GPAM: variants seen among roughly 807,000 people sequenced by gnomAD.
The protein encoded by GPAM is glycerol-3-phosphate acyltransferase 1, mitochondrial.
A neutral mutation model predicts 105.0 loss-of-function variants in GPAM; 56 were observed. The ratio of observed to expected loss-of-function variants is 0.53; its 90% CI spans 0.43 to 0.67. The LOEUF is 0.67. GPAM is among the 30% of genes least tolerant of loss of function. GPAM has a pLI of 0.00. For synonymous variants in GPAM, 368 were observed against 354.4 expected (o/e 1.04, Z -0.43); for missense variants, 855 against 989.8 (o/e 0.86, Z 1.83).
At chr10:112,212,038 G>A (rs1847916710) in intron 1 of GPAM, among the ~76,000 whole-genome samples, 1 of 152,144 alleles carries the variant, frequency 6.6e-6, no homozygotes, top group Non-Finnish European at 1.5e-5. Context: ...CCCAAAGCAG[G>A]TGTCCCCAGG....
At chr10:112,178,833 T>A (rs180904433) in intron 4 of GPAM, among the ~76,000 whole-genome samples, 2 of 152,222 alleles carry the variant, frequency 1.3e-5, no homozygotes, top group East Asian at 3.9e-4. Flanking sequence ...ATCTTATGTC[T>A]TGATCTAAAG....
chr10:112,160,257 C>T, intron 16 of GPAM: 1 of 408,582 alleles, frequency 2.4e-6, no homozygotes, highest in Non-Finnish European at 3.3e-6. Flanking sequence ...AAGACATAAG[C>T]CCCCTCTTCT....
At chr10:112,192,485 A>T (rs918220719) in intron 1 of GPAM, among the ~76,000 whole-genome samples, 2 of 152,212 alleles carry the variant, frequency 1.3e-5, no homozygotes, top group African/African-American at 2.4e-5. Context: ...GGACTCCTAA[A>T]AGGGGAGAGC....
Position 112,157,267 on chromosome 10 carries a change from C to G in GPAM, c.2103G>C (p.Gln701His). 1 of 1,613,980 alleles carries G rather than the reference C, an allele frequency of 6.2e-7. No homozygotes were observed. Among genetic ancestry groups the G allele is most frequent in the Non-Finnish European group, 8.5e-7 (1 of 1,179,806 alleles). Residue 701 changes from glutamine (Q) to histidine (H), a missense_variant, in exon 19 of 22, where the codon CAG (glutamine) becomes CAC (histidine). By Grantham distance (24) the Gln-to-His change is conservative. Transcript: ENST00000348367. ...EDEDSDFGEE[Q>H]RDCYLKVSQS... ...CAAGTACCTTCAGGTAGCAATCTCGCTGTTCCTCCCCAAAGTCACTGTCTT... is the reference window on the plus strand; with the variant it reads ...CAAGTACCTTCAGGTAGCAATCTCGGTGTTCCTCCCCAAAGTCACTGTCTT...
intron 20 of GPAM, 21 bp from the exon 21 acceptor site, chr10:112,154,708 C>T (rs776530332): frequency 5.2e-6 from 8 of 1,547,716 alleles, no homozygotes; most frequent in African/African-American, 2.7e-5. Context: ...AGAATAAAAC[C>T]CTGTCAAATG....
Position 112,161,614 on chromosome 10 carries a change from GA to G in GPAM, c.1494+52del, listed in dbSNP as rs1428784103. On this transcript the variant is annotated intron_variant, in intron 15 of 21. Coordinates refer to ENST00000348367, the MANE Select transcript of GPAM (RefSeq NM_001244949.2). ...CCCCTGAGTATGTATCTGAGCAGCT[GA>G]CAAAACATTCTCCTGCTTCCTACTT... The G allele has an allele frequency of 9.5e-5, 137 of 1,441,834 alleles. No homozygotes were observed. In the African/African-American group the frequency reaches 1.9e-3, roughly 20 times the overall value. The allele number at this position is 1,441,834 out of a possible 1,614,324, so 89.3% of individuals were successfully genotyped here.
At chr10:112,223,891 T>C in the GPAM span, among the ~76,000 whole-genome samples, 2 of 152,214 alleles carry the variant, frequency 1.3e-5, no homozygotes, top group Non-Finnish European at 2.9e-5. Flanking sequence ...ACCCTTGCCC[T>C]AGAGTCATGG....
rs1241941438 is a variant in GPAM, at chr10:112,152,764, T to C, written c.*786A>G. 2 of 882,780 alleles carry C rather than the reference T, an allele frequency of 2.3e-6. No individual in the cohort carries two copies. The highest frequency in any genetic ancestry group is 6.2e-5 in the Admixed American group (1 of 16,144). The allele number at this position is 882,780 out of a possible 1,614,324, so 54.7% of individuals were successfully genotyped here. On this transcript the variant is annotated 3_prime_UTR_variant, in exon 22 of 22. Transcript: ENST00000348367. ...GAAGGGTTCTAAATATATTTGCTGG[T>C]CATTTGAAACTCAATGGCACTTGTT...
chr10:112,225,002 A>C, the GPAM span, among the ~76,000 whole-genome samples: 11,498 of 152,144 alleles, frequency 0.076, 475 homozygotes, highest in Middle Eastern at 0.12. Context: ...AACACTCAAC[A>C]TTCTAGTTTG....
intron 17 of GPAM, 47 bp from the exon 18 acceptor site, chr10:112,158,440 C>A: frequency 8.4e-7 from 1 of 1,193,538 alleles, no homozygotes; most frequent in Non-Finnish European, 1.3e-6. Flanking sequence ...TTTTATACTT[C>A]TTTTTTTAAA....
At chr10:112,201,272 G>A (rs1015695915) in intron 1 of GPAM, among the ~76,000 whole-genome samples, 1 of 152,164 alleles carries the variant, frequency 6.6e-6, no homozygotes, top group African/African-American at 2.4e-5. Flanking sequence ...GTTCAAGAGT[G>A]GCCAATGCCT....
Position 112,150,436 on chromosome 10 carries a change from T to C in GPAM, c.*3114A>G. 3 of 985,828 alleles carry C rather than the reference T, an allele frequency of 3.0e-6. No individual in the cohort carries two copies. The highest frequency in any genetic ancestry group is 3.6e-6 in the Non-Finnish European group (3 of 829,882). The allele number at this position is 985,828 out of a possible 1,614,324, so 61.1% of individuals were successfully genotyped here. On this transcript the variant is annotated 3_prime_UTR_variant, in exon 22 of 22. Coordinates refer to ENST00000348367, the MANE Select transcript of GPAM (RefSeq NM_001244949.2). Reference sequence around the variant, plus strand: ...AGCTCCGATCACCTACATTATAATTTTCTGTGCTTATTTTCTGCAGGGGAG... The same window carrying C: ...AGCTCCGATCACCTACATTATAATTCTCTGTGCTTATTTTCTGCAGGGGAG...
At chr10:112,154,761 G>GA in intron 20 of GPAM, 74 bp from the exon 21 acceptor site, 1 of 1,166,690 alleles carries the variant, frequency 8.6e-7, no homozygotes, top group Non-Finnish European at 1.3e-6. Flanking sequence ...GCCACAGTAA[G>GA]AAAGTATGGG....
In GPAM at chr10:112,151,284, A is replaced by G; in HGVS notation, c.*2266T>C. On this transcript the variant is annotated 3_prime_UTR_variant, in exon 22 of 22. Transcript: ENST00000348367. ...ACAATGAGAATGTATCTTTTAGCAAAACGGTGCTATCTGGAAGCTTCATTG... is the reference window on the plus strand; with the variant it reads ...ACAATGAGAATGTATCTTTTAGCAAGACGGTGCTATCTGGAAGCTTCATTG... The G allele has an allele frequency of 1.0e-6, 1 of 985,700 alleles. No individual in the cohort carries two copies. The highest frequency in any genetic ancestry group is 1.2e-6 in the Non-Finnish European group (1 of 829,870). The allele number at this position is 985,700 out of a possible 1,614,324, so 61.1% of individuals were successfully genotyped here. A position where few individuals can be genotyped will look rare whatever the true frequency, so the allele number is the denominator to read the frequency against.
upstream of GPAM, among the ~76,000 whole-genome samples, chr10:112,219,608 A>C (rs1848000722): frequency 6.6e-6 from 1 of 152,218 alleles, no homozygotes; most frequent in Non-Finnish European, 1.5e-5. Context: ...GAGAGTTCTT[A>C]AATTCATTTT....
At chr10:112,179,346 A>C (rs1001186525) in intron 4 of GPAM, among the ~76,000 whole-genome samples, 2 of 152,190 alleles carry the variant, frequency 1.3e-5, no homozygotes, top group African/African-American at 2.4e-5. Context: ...AAGTATTCAA[A>C]ATTAGAATTA....
At chr10:112,179,453 A>G (rs554953584) in intron 4 of GPAM, among the ~76,000 whole-genome samples, 1 of 152,352 alleles carries the variant, frequency 6.6e-6, no homozygotes, top group South Asian at 2.1e-4. Flanking sequence ...TAGGCTAGAA[A>G]TTTCTGTGAT....
intron 1 of GPAM, among the ~76,000 whole-genome samples, chr10:112,196,451 T>G (rs557869863): frequency 2.0e-5 from 3 of 152,318 alleles, no homozygotes; most frequent in African/African-American, 4.8e-5. Context: ...TTTGGAAAAT[T>G]TATTCTCTTG....
At chr10:112,225,173 G>A in the GPAM span, among the ~76,000 whole-genome samples, 184 of 152,282 alleles carry the variant, frequency 1.2e-3, 1 homozygote, top group Admixed American at 3.5e-3. Flanking sequence ...AATGCAGGAT[G>A]TGCTGCCTTT....
Sources: gnomAD v4.1 joint callset for allele counts (sites outside exome capture counted in the v4.1 genomes callset) on GRCh38, gnomAD v4.1.1 for gene constraint, MANE v1.5 for transcripts, NCBI Gene and HGNC (gene_info 2026-07-23, HGNC 2026-07-21) for gene names.